FBLN1: variants seen among roughly 807,000 people sequenced by gnomAD.
The protein encoded by FBLN1 is fibulin-1.
In FBLN1, 34 loss-of-function variants were observed where a neutral mutation model predicts 89.7. The observed-to-expected ratio is 0.38, with a 90% CI of 0.29 to 0.50. The LOEUF (loss-of-function observed/expected upper bound fraction) is 0.50. Ranked by LOEUF, FBLN1 falls within the 20% of genes least tolerant of loss-of-function variation. The probability of loss-of-function intolerance (pLI) is 0.92; values close to 1 mark genes in which losing one functional copy is unlikely to be tolerated. For missense variants in FBLN1, 777 were observed against 988.1 expected (o/e 0.79, Z 2.86); for synonymous variants, 393 against 391.3 (o/e 1.00, Z -0.05).
Position 45,527,866 on chromosome 22 carries a change from T to C in FBLN1, c.341T>C (p.Leu114Pro). The change falls in exon 4 of 17, where the codon CTG (leucine) becomes CCG (proline). Residue 114 changes from leucine to proline, a missense_variant. Coordinates refer to ENST00000327858, the MANE Select transcript of FBLN1 (RefSeq NM_006486.3). ...TFVKRCCHCC[L>P]LGRAAQAQGQ... ...TTGCAGAGGTGCTGCCATTGCTGTC[T>C]GCTGGGGAGGGCGGCCCAGGCCCAG... 6.2e-7 allele frequency: 1 copy of C among 1,614,092 alleles called. No individual in the cohort carries two copies. Among genetic ancestry groups the C allele is most frequent in the Non-Finnish European group, 8.5e-7 (1 of 1,180,028 alleles).
At chr22:45,518,146 A>G (rs1162798793) in intron 1 of FBLN1, among the ~76,000 whole-genome samples, 1 of 151,882 alleles carries the variant, frequency 6.6e-6, no homozygotes, top group Non-Finnish European at 1.5e-5. Context: ...AAAAAAAGAA[A>G]AAAAAAGAAA....
intron 16 of FBLN1, among the ~76,000 whole-genome samples, chr22:45,591,111 C>T (rs2089132552): frequency 6.6e-6 from 1 of 152,204 alleles, no homozygotes; most frequent in African/African-American, 2.4e-5. Flanking sequence ...CAGACCTTGT[C>T]TTCCTTTGGC....
Position 45,574,084 on chromosome 22 carries a change from C to G in FBLN1, c.1698-427C>G, listed in dbSNP as rs1204981176. Among the ~76,000 whole-genome samples the G allele has an allele frequency of 6.6e-6, 1 of 152,188 alleles. No individual in the cohort carries two copies. Among genetic ancestry groups the G allele is most frequent in the Non-Finnish European group, 1.5e-5 (1 of 68,034 alleles). ...CTTCGTTTATTACCCTGCTGCCCAG[C>G]CTCACTGTGGGCTCTGAGAAGGCGG... On this transcript the variant is annotated intron_variant, in intron 14 of 16. Coordinates refer to ENST00000327858, the MANE Select transcript of FBLN1 (RefSeq NM_006486.3). This position sits in a 1 kb window ranked among gnomAD's most constrained non-coding sequence, Gnocchi z 4.1.
At chr22:45,544,312 C>G (rs2088598211) in intron 11 of FBLN1, among the ~76,000 whole-genome samples, 1 of 152,180 alleles carries the variant, frequency 6.6e-6, no homozygotes, top group African/African-American at 2.4e-5. Flanking sequence ...GTCTTGAACT[C>G]CTGACCTCAG....
intron 8 of FBLN1, among the ~76,000 whole-genome samples, chr22:45,540,405 T>C (rs1180992672): frequency 6.6e-6 from 1 of 152,206 alleles, no homozygotes; most frequent in Non-Finnish European, 1.5e-5. Flanking sequence ...CTCATTTGAC[T>C]GAGGAGGGTG....
In FBLN1 at chr22:45,531,437, T is replaced by C. The variant is rs1483060892; in HGVS notation, c.544+113T>C. The C allele has an allele frequency of 1.5e-5, 14 of 910,886 alleles. No individual in the cohort carries two copies. The allele number at this position is 910,886 out of a possible 1,614,324, so 56.4% of individuals were successfully genotyped here. A position where few individuals can be genotyped will look rare whatever the true frequency, so the allele number is the denominator to read the frequency against. On this transcript the variant is annotated intron_variant, in intron 5 of 16. Coordinates refer to ENST00000327858, the MANE Select transcript of FBLN1 (RefSeq NM_006486.3). This position sits in a 1 kb window ranked among gnomAD's most constrained non-coding sequence, Gnocchi z 4.9. ...TGGGAAGCCAAGGCAGGAGGATTCC[T>C]TGAGCCCAGGAGGTTGTGGCTGCAG...
In FBLN1 at chr22:45,574,410, C is replaced by G; in HGVS notation, c.1698-101C>G. ...GATGGAGCTGTCTCTGGGACAGATG[C>G]CCCTGCCCTGGCCACCTGCTCCTCC... On this transcript the variant is annotated intron_variant, in intron 14 of 16. Coordinates refer to ENST00000327858, the MANE Select transcript of FBLN1 (RefSeq NM_006486.3). The surrounding 1 kb of genome is among the most constrained non-coding windows in gnomAD (Gnocchi z 4.1). 1 of 1,284,584 alleles carries G rather than the reference C, an allele frequency of 7.8e-7. No homozygotes were observed. The highest frequency in any genetic ancestry group is 1.5e-5 in the African/African-American group (1 of 68,154). 79.6% of individuals were successfully genotyped at this position (1,284,584 alleles called of 1,614,324 possible).
In FBLN1 at chr22:45,579,066, A is replaced by G. The variant is rs1276245336; in HGVS notation, c.1972+1958A>G. On this transcript the variant is annotated intron_variant, in intron 16 of 16. Coordinates refer to ENST00000327858, the MANE Select transcript of FBLN1 (RefSeq NM_006486.3). This position sits in a 1 kb window ranked among gnomAD's most constrained non-coding sequence, Gnocchi z 5.5. ...GTCTCCTGGCAGGTTTTACGTCTTT[A>G]GTTCCCACCTACATCCTTCCTGGGG... 2.6e-5 allele frequency among the ~76,000 whole-genome samples: 4 copies of G among 152,164 alleles called. No individual in the cohort carries two copies. The East Asian group carries it at 5.8e-4, about 22-fold the overall frequency.
At chr22:45,510,987 T>A (rs558560186) in intron 1 of FBLN1, among the ~76,000 whole-genome samples, 1 of 152,302 alleles carries the variant, frequency 6.6e-6, no homozygotes, top group South Asian at 2.1e-4. Flanking sequence ...GTGTTGGCCA[T>A]CGGGCACCGT....
At chr22:45,513,347 C>T (rs2088126691) in intron 1 of FBLN1, among the ~76,000 whole-genome samples, 1 of 150,894 alleles carries the variant, frequency 6.6e-6, no homozygotes, top group South Asian at 2.1e-4. Flanking sequence ...CTCTGTCACC[C>T]AGGCTGGAAT....
In FBLN1 at chr22:45,525,693, CCATGTGG is replaced by C; in HGVS notation, c.321+16_321+22del. On this transcript the variant is annotated intron_variant, in intron 3 of 16. Coordinates refer to ENST00000327858, the MANE Select transcript of FBLN1 (RefSeq NM_006486.3). ...CATTTGTGAAGGTGAGAGCCAAAGA[CCATGTGG>C]GGTCGCTGCCCGTCCCCACTAGTCG... is the stretch of plus-strand genomic sequence containing the variant. 2 of 1,551,292 alleles carry C rather than the reference CCATGTGG, an allele frequency of 1.3e-6. No individual in the cohort carries two copies. The highest frequency in any genetic ancestry group is 2.4e-5 in the South Asian group (2 of 84,064).
At chr22:45,527,767 G>T in intron 3 of FBLN1, 80 bp from the exon 4 acceptor site, 1 of 1,486,670 alleles carries the variant, frequency 6.7e-7, no homozygotes, top group Admixed American at 1.7e-5. Context: ...GGCTCAGAGA[G>T]GCCTCCCCTG....
At chr22:45,548,993 G>A (rs566122026) in intron 13 of FBLN1, among the ~76,000 whole-genome samples, 104 of 152,284 alleles carry the variant, frequency 6.8e-4, no homozygotes, top group South Asian at 8.3e-4. Flanking sequence ...GGCTGCATCC[G>A]GCAGGAACAC....
Position 45,535,329 on chromosome 22 carries a change from A to G in FBLN1, c.914A>G (p.Asn305Ser), listed in dbSNP as rs2088469945. The change falls in exon 8 of 17, where the codon AAC becomes AGC. Residue 305 changes from asparagine to serine, a missense_variant. By Grantham distance (46) the Asn-to-Ser change is conservative (BLOSUM62 1). Transcript: ENST00000327858. ...GGCTTTATACAAGATGCTCTAGGCA[A>G]CTGTATTGGTAAGAGGTGTGCCGCC... ...KSGFIQDALG[N>S]CIDINECLSI... 4.3e-6 allele frequency: 7 copies of G among 1,614,088 alleles called. No homozygotes were observed. Among genetic ancestry groups the G allele is most frequent in the South Asian group, 1.1e-5 (1 of 91,090 alleles).
chr22:45,518,447 G>C, intron 1 of FBLN1: 1 of 588,122 alleles, frequency 1.7e-6, no homozygotes, highest in Non-Finnish European at 3.1e-6. Context: ...TGTCCAAGCT[G>C]GATTCAGATG....
Position 45,517,644 on chromosome 22 carries a change from T to C in FBLN1, c.80-1038T>C, listed in dbSNP as rs943964460. ...CCTGTGCTCTCTGCTTTGCCAGTCC[T>C]GTCCTCACCAGACTTCTCACAGGTC... is the stretch of plus-strand genomic sequence containing the variant. On this transcript the variant is annotated intron_variant, in intron 1 of 16. Coordinates refer to ENST00000327858, the MANE Select transcript of FBLN1 (RefSeq NM_006486.3). The C allele has an allele frequency of 3.4e-5, 16 of 471,072 alleles. No homozygotes were observed. In the Admixed American group the frequency reaches 3.5e-4, roughly 10 times the overall value. The allele number at this position is 471,072 out of a possible 1,614,324, so 29.2% of individuals were successfully genotyped here.
chr22:45,568,612 G>T (rs1569260235), intron 14 of FBLN1, among the ~76,000 whole-genome samples: 2 of 125,628 alleles, frequency 1.6e-5, no homozygotes, highest in Admixed American at 7.8e-5. Flanking sequence ...TTCTGTAAGG[G>T]AATGCTCCTC....
In FBLN1 at chr22:45,590,025, C is replaced by G. The variant is rs2089122792; in HGVS notation, c.1973-10282C>G. ...GCTGCCCCAATCCCCTGTGCCTGCT[C>G]TCCCAGTGGCTGAGAGCCCCATGAA... is the stretch of plus-strand genomic sequence containing the variant. On this transcript the variant is annotated intron_variant, in intron 16 of 16. Transcript: ENST00000327858. This position sits in a 1 kb window ranked among gnomAD's most constrained non-coding sequence, Gnocchi z 4.1. 6.6e-6 allele frequency among the ~76,000 whole-genome samples: 1 copy of G among 152,246 alleles called. No individual in the cohort carries two copies. Among genetic ancestry groups the G allele is most frequent in the African/African-American group, 2.4e-5 (1 of 41,474 alleles).
In FBLN1 at chr22:45,507,925, A is replaced by G. The variant is rs551587709; in HGVS notation, c.79+4861A>G. ...GCCCGGCTTCTTGTTTTGGCCTAGA[A>G]CTCCTCTATGGACCTGCACAGTGCC... On this transcript the variant is annotated intron_variant, in intron 1 of 16. Transcript: ENST00000327858. Among the ~76,000 whole-genome samples the G allele has an allele frequency of 4.0e-5, 6 of 151,700 alleles. No homozygotes were observed. The East Asian group carries it at 9.7e-4, about 25-fold the overall frequency.
Sources: gnomAD v4.1 joint callset for allele counts (sites outside exome capture counted in the v4.1 genomes callset) on GRCh38, gnomAD v4.1.1 for gene constraint, Gnocchi (gnomAD v3.1) non-coding constraint, MANE v1.5 for transcripts, NCBI Gene and HGNC (gene_info 2026-07-23, HGNC 2026-07-21) for gene names.